ABRACL: variants seen among roughly 807,000 people sequenced by gnomAD.
ABRACL encodes costars family protein ABRACL.
In ABRACL, 4 loss-of-function variants were observed where a neutral mutation model predicts 7.0. The ratio of observed to expected loss-of-function variants is 0.57; its 90% CI spans 0.28 to 1.30. The LOEUF (loss-of-function observed/expected upper bound fraction) is 1.30, where lower values mean the gene tolerates loss of function less well. Among genes scored for constraint, ABRACL ranks in the 50% most tolerant of loss-of-function variants. The probability of loss-of-function intolerance (pLI) is 0.10; values close to 1 mark genes in which losing one functional copy is unlikely to be tolerated. For missense variants in ABRACL, 104 were observed against 97.3 expected, an observed-to-expected ratio of 1.07 and a Z score of -0.29; for synonymous variants, 30 against 36.0, an observed-to-expected ratio of 0.83 and a Z score of 0.60.
intron 2 of ABRACL, among the ~76,000 whole-genome samples, chr6:139,041,493 A>ATATATGTGTG (rs71932479): frequency 9.0e-5 from 11 of 122,480 alleles, no homozygotes; most frequent in East Asian, 4.6e-4. Context: ...ATATATATAT[A>ATATATGTGTG]TGTGTGTGTG....
rs151120551 is a variant in ABRACL, at chr6:139,040,047, A to G, written c.62-2672A>G. On this transcript the variant is annotated intron_variant, in intron 2 of 2. Transcript: ENST00000367660. ...TTCGAGGTTGCAGTGAGCTGTGATC[A>G]CACCACTGCACTCCAGCCTGAGCAA... Among the ~76,000 whole-genome samples, 700 of 152,216 alleles carry G rather than the reference A, an allele frequency of 4.6e-3. 5 individuals are homozygous for G. The highest frequency in any genetic ancestry group is 5.9e-3 in the Non-Finnish European group (399 of 67,994).
chr6:139,037,356 G>A (rs1025160659), intron 2 of ABRACL, among the ~76,000 whole-genome samples: 1 of 152,114 alleles, frequency 6.6e-6, no homozygotes, highest in Admixed American at 6.5e-5. Flanking sequence ...TGTCTTCTGA[G>A]TGCAGGCAAT....
chr6:139,042,985 ATACT>A lies in ABRACL; in HGVS notation c.*85_*88del, dbSNP rs1270686828. 3 of 1,174,590 alleles carry A rather than the reference ATACT, an allele frequency of 2.6e-6. No individual in the cohort carries two copies. The highest frequency in any genetic ancestry group is 3.1e-5 in the African/African-American group (2 of 64,196). 72.8% of individuals were successfully genotyped at this position (1,174,590 alleles called of 1,614,324 possible). A position where few individuals can be genotyped will look rare whatever the true frequency, so the allele number is the denominator to read the frequency against. On this transcript the variant is annotated 3_prime_UTR_variant, in exon 3 of 3. Transcript: ENST00000367660. ...AAAGTGAAAGAACAAACATTTGAAC[ATACT>A]TAATGTATTTTTATAGAACTTTGTA...
At chr6:139,034,029 A>G in intron 1 of ABRACL, 126 bp from the exon 2 acceptor site, 1 of 1,282,928 alleles carries the variant, frequency 7.8e-7, no homozygotes. Context: ...AAATATTTTT[A>G]GGAAAAGGAA....
chr6:139,037,417 C>T (rs541946445), intron 2 of ABRACL, among the ~76,000 whole-genome samples: 5 of 152,056 alleles, frequency 3.3e-5, no homozygotes, highest in South Asian at 2.1e-4. Flanking sequence ...TCCACGACCA[C>T]GCCTGGTTAA....
chr6:139,035,728 C>T (rs1007343330), intron 2 of ABRACL, among the ~76,000 whole-genome samples: 11 of 150,950 alleles, frequency 7.3e-5, no homozygotes, highest in Admixed American at 1.3e-4. Flanking sequence ...GGTGATCCAC[C>T]TGCCTCGGCC....
At chr6:139,042,592 G>C in intron 2 of ABRACL, 127 bp from the exon 3 acceptor site, 1 of 817,708 alleles carries the variant, frequency 1.2e-6, no homozygotes, top group South Asian at 1.8e-5. Flanking sequence ...ATTTATGACT[G>C]TTAAGTGTTA....
intron 1 of ABRACL, among the ~76,000 whole-genome samples, chr6:139,033,008 A>G (rs527657943): frequency 2.0e-5 from 3 of 152,336 alleles, no homozygotes; most frequent in African/African-American, 4.8e-5. Flanking sequence ...ACCCGGTGCT[A>G]TGGGAACACA....
chr6:139,038,599 A>G (rs1786199610), intron 2 of ABRACL, among the ~76,000 whole-genome samples: 1 of 152,220 alleles, frequency 6.6e-6, no homozygotes, highest in South Asian at 2.1e-4. Context: ...TTAAATGGGG[A>G]GAGTGCACTT....
chr6:139,033,738 C>T (rs1298780953), intron 1 of ABRACL, among the ~76,000 whole-genome samples: 1 of 152,186 alleles, frequency 6.6e-6, no homozygotes, highest in Non-Finnish European at 1.5e-5. Flanking sequence ...TCTCATTGCT[C>T]TTCATTGCAG....
At chr6:139,040,732 T>A (rs1268985932) in intron 2 of ABRACL, among the ~76,000 whole-genome samples, 3 of 152,208 alleles carry the variant, frequency 2.0e-5, no homozygotes, top group Admixed American at 6.5e-5. Flanking sequence ...TCAGATTCCC[T>A]GTTTTCCCTT....
Position 139,042,944 on chromosome 6 carries a change from T to C in ABRACL, c.*41T>C. ...TTTATGTACTGCCATTTTTTGTTTC[T>C]GGTAAACTGGAATATAAAGTGAAAG... On this transcript the variant is annotated 3_prime_UTR_variant, in exon 3 of 3. Coordinates refer to ENST00000367660, the MANE Select transcript of ABRACL (RefSeq NM_021243.3). The C allele has an allele frequency of 6.7e-7, 1 of 1,487,800 alleles. No individual in the cohort carries two copies. The highest frequency in any genetic ancestry group is 9.1e-7 in the Non-Finnish European group (1 of 1,100,910). The allele number at this position is 1,487,800 out of a possible 1,614,324, so 92.2% of individuals were successfully genotyped here.
chr6:139,030,722 T>C (rs1786069113), intron 1 of ABRACL, among the ~76,000 whole-genome samples: 1 of 152,178 alleles, frequency 6.6e-6, no homozygotes, highest in African/African-American at 2.4e-5. Context: ...TTATATTTAG[T>C]GTATTTGCAT....
intron 2 of ABRACL, among the ~76,000 whole-genome samples, chr6:139,040,298 G>GGT (rs1786225836): frequency 6.6e-6 from 1 of 152,110 alleles, no homozygotes; most frequent in African/African-American, 2.4e-5. Flanking sequence ...CCTGAACCAA[G>GGT]GAATTAACTG....
intron 1 of ABRACL, among the ~76,000 whole-genome samples, chr6:139,032,394 A>G (rs1393949909): frequency 6.6e-6 from 1 of 152,240 alleles, no homozygotes; most frequent in Non-Finnish European, 1.5e-5. Context: ...AGTCCTCAAT[A>G]TTTGAACACT....
chr6:139,040,914 T>G (rs1786233596), intron 2 of ABRACL, among the ~76,000 whole-genome samples: 2 of 152,224 alleles, frequency 1.3e-5, no homozygotes, highest in Admixed American at 1.3e-4. Context: ...ATACTCAGTG[T>G]GTGCTAGGCA....
At chr6:139,030,791 A>T (rs1210284211) in intron 1 of ABRACL, among the ~76,000 whole-genome samples, 6 of 152,220 alleles carry the variant, frequency 3.9e-5, no homozygotes, top group Admixed American at 2.0e-4. Flanking sequence ...TAGAGACAGC[A>T]TTTAATTGTG....
At chr6:139,032,140 A>G (rs1328517268) in intron 1 of ABRACL, among the ~76,000 whole-genome samples, 2 of 150,222 alleles carry the variant, frequency 1.3e-5, no homozygotes, top group East Asian at 2.0e-4. Context: ...TTTTTTTTGT[A>G]TTTTTAGTAG....
At chr6:139,042,399 C>T (rs1475610478) in intron 2 of ABRACL, among the ~76,000 whole-genome samples, 1 of 152,178 alleles carries the variant, frequency 6.6e-6, no homozygotes. Context: ...GATTCAAAAA[C>T]TCACGTAACA....
Sources: allele counts gnomAD v4.1 joint callset (sites outside exome capture counted in the v4.1 genomes callset), GRCh38; gene constraint gnomAD v4.1.1; transcripts MANE v1.5; gene names NCBI Gene and HGNC (gene_info 2026-07-23, HGNC 2026-07-21).